SYBU: variants seen among roughly 807,000 people sequenced by gnomAD.
SYBU encodes the protein GOLSYN A protein.
SYBU carries 21 observed loss-of-function variants against 35.9 expected under a neutral mutation model. That is an observed-to-expected ratio of 0.58 (90% confidence interval 0.41 to 0.84). SYBU has a LOEUF of 0.84. Among genes scored for constraint, SYBU ranks in the 40% least tolerant of loss-of-function variants. The probability of loss-of-function intolerance (pLI) is 0.00; values close to 1 mark genes in which losing one functional copy is unlikely to be tolerated. For synonymous variants in SYBU, 319 were observed against 324.3 expected (o/e 0.98, Z 0.18); for missense variants, 768 against 848.2 (o/e 0.91, Z 1.17).
In SYBU at chr8:109,670,909, G is replaced by A. The variant is rs555654938; in HGVS notation, c.-129+9802C>T. The stretch of plus-strand genomic sequence containing the variant: ...GTAGAAATAGAGTTAGAATGGAAGA[G>A]AGAGAGAGACTTTGCTTTATGTGGA... On this transcript the variant is annotated intron_variant, in intron 1 of 5. Coordinates refer to the SYBU transcript ENST00000408889. Among the ~76,000 whole-genome samples the A allele has an allele frequency of 6.9e-4, 105 of 152,284 alleles. 1 individual carries two copies. In the South Asian group the frequency reaches 8.1e-3, roughly 12 times the overall value.
At chr8:109,591,259 A>G (rs1824211163) in intron 3 of SYBU, among the ~76,000 whole-genome samples, 1 of 152,162 alleles carries the variant, frequency 6.6e-6, no homozygotes, top group Non-Finnish European at 1.5e-5. Context: ...TTTGTGAATA[A>G]ATCTTTAGAT....
chr8:109,638,152 G>T (rs758336823), intron 2 of SYBU, among the ~76,000 whole-genome samples: 1 of 152,118 alleles, frequency 6.6e-6, no homozygotes, highest in African/African-American at 2.4e-5. Flanking sequence ...TTTACAAGGC[G>T]CCCCAAGGAG....
rs1203920807 is a variant in SYBU at position 109,643,274 on chromosome 8, C to T, written c.25-342G>A. On this transcript the variant is annotated intron_variant, in intron 1 of 6. Coordinates refer to ENST00000276646, the MANE Select transcript of SYBU (RefSeq NM_001099754.2). ...ACTTCTATCACATTCAAGCTTCTGC[C>T]TCCCAAAGGCTCTTTATTAACACCA... 4 of 733,208 alleles carry T rather than the reference C, an allele frequency of 5.5e-6. No homozygotes were observed. In the African/African-American group the frequency reaches 5.7e-5, roughly 10 times the overall value. 45.4% of individuals were successfully genotyped at this position (733,208 alleles called of 1,614,324 possible). A position where few individuals can be genotyped will look rare whatever the true frequency, so the allele number is the denominator to read the frequency against.
chr8:109,635,450 C>T (rs2130569582), intron 2 of SYBU, among the ~76,000 whole-genome samples: 1 of 152,238 alleles, frequency 6.6e-6, no homozygotes, highest in Admixed American at 6.5e-5. Flanking sequence ...TTTTCTTCCC[C>T]ATGCACTCCC....
At chr8:109,648,820 GGAGCAGCT>G (rs1023833032), upstream of SYBU, 6 of 151,882 alleles carry the variant, frequency 4.0e-5, no homozygotes, top group Non-Finnish European at 7.4e-5. Context: ...ACAGCAACAA[GGAGCAGCT>G]GACGTGCTTC....
chr8:109,640,797 T>C (rs1442837859), intron 2 of SYBU, among the ~76,000 whole-genome samples: 2 of 143,104 alleles, frequency 1.4e-5, no homozygotes, highest in African/African-American at 2.7e-5. Context: ...GATTAGCAAA[T>C]TGTTAGCAAA....
intron 3 of SYBU, among the ~76,000 whole-genome samples, chr8:109,591,493 T>TA (rs71564046): frequency 8.1e-5 from 12 of 149,018 alleles, no homozygotes; most frequent in Middle Eastern, 3.4e-3. Context: ...TTTTTCCTTT[T>TA]AAAAAAATGT....
At chr8:109,610,550 C>T (rs1336816518) in intron 3 of SYBU, among the ~76,000 whole-genome samples, 1 of 152,208 alleles carries the variant, frequency 6.6e-6, no homozygotes, top group Non-Finnish European at 1.5e-5. Context: ...GCTGCTGAAG[C>T]ATTACTCCAC....
intron 2 of SYBU, among the ~76,000 whole-genome samples, chr8:109,628,667 AT>A (rs942811792): frequency 4.7e-4 from 69 of 148,366 alleles, no homozygotes; most frequent in Admixed American, 6.0e-4. Context: ...CTACAAAAAG[AT>A]TTTTTTTTTT....
intron 3 of SYBU, among the ~76,000 whole-genome samples, chr8:109,601,493 T>C (rs1368222256): frequency 6.6e-6 from 1 of 152,134 alleles, no homozygotes; most frequent in Admixed American, 6.5e-5. Context: ...GGAGTTAGAC[T>C]ATACAGACAA....
chr8:109,602,198 A>C (rs529949598), intron 3 of SYBU, among the ~76,000 whole-genome samples: 1 of 152,338 alleles, frequency 6.6e-6, no homozygotes, highest in Non-Finnish European at 1.5e-5. Context: ...TTAAACATTA[A>C]AAAACACCTT....
rs530930782 is a variant in SYBU at position 109,663,354 on chromosome 8, C to T, written c.-129+17357G>A. On this transcript the variant is annotated intron_variant, in intron 1 of 5. Coordinates refer to the SYBU transcript ENST00000408889. ...GCAGTAGGACTGATTTTGATCAGGA[C>T]AATAAAAGATACAATGGGTCAATAC... is the stretch of plus-strand genomic sequence containing the variant. Among the ~76,000 whole-genome samples, 7 of 152,064 alleles carry T rather than the reference C, an allele frequency of 4.6e-5. No individual in the cohort carries two copies. The East Asian group carries it at 1.4e-3, about 29-fold the overall frequency.
chr8:109,626,315 A>T (rs937854475), intron 2 of SYBU, among the ~76,000 whole-genome samples: 13 of 152,354 alleles, frequency 8.5e-5, no homozygotes, highest in African/African-American at 3.1e-4. Context: ...TCAAAGATCA[A>T]CTAAATATTT....
intron 1 of SYBU, among the ~76,000 whole-genome samples, chr8:109,658,611 C>T (rs1816444094): frequency 1.3e-5 from 2 of 152,134 alleles, no homozygotes; most frequent in Admixed American, 1.3e-4. Flanking sequence ...ATCCATTAAG[C>T]CAATATGCTT....
At chr8:109,586,411 T>C (rs1434260211) in intron 3 of SYBU, 1 of 479,996 alleles carries the variant, frequency 2.1e-6, no homozygotes, top group Non-Finnish European at 3.7e-6. Context: ...CCAGTCTTCC[T>C]GCAGACACTG....
intron 2 of SYBU, among the ~76,000 whole-genome samples, chr8:109,641,448 AT>A (rs1336633135): frequency 6.6e-6 from 1 of 152,204 alleles, no homozygotes; most frequent in Non-Finnish European, 1.5e-5. Context: ...TTATAATCTC[AT>A]TTTATGGATG....
chr8:109,685,638 A>G (rs1043947809), upstream of SYBU, among the ~76,000 whole-genome samples: 1 of 152,244 alleles, frequency 6.6e-6, no homozygotes, highest in Non-Finnish European at 1.5e-5. Flanking sequence ...GGCAAGGGCC[A>G]TATATAAAAA....
intron 3 of SYBU, among the ~76,000 whole-genome samples, chr8:109,617,147 C>T (rs1811898691): frequency 6.6e-6 from 1 of 151,654 alleles, no homozygotes; most frequent in Non-Finnish European, 1.5e-5. Flanking sequence ...AAAAAAAATA[C>T]AATAAAATAA....
At chr8:109,636,909 T>C (rs1217160475) in intron 2 of SYBU, among the ~76,000 whole-genome samples, 1 of 152,210 alleles carries the variant, frequency 6.6e-6, no homozygotes, top group Non-Finnish European at 1.5e-5. Flanking sequence ...CAACTACAAT[T>C]TCCAGGGACT....
Sources: allele counts gnomAD v4.1 joint callset (sites outside exome capture counted in the v4.1 genomes callset), GRCh38; gene constraint gnomAD v4.1.1; transcripts MANE v1.5; gene names NCBI Gene and HGNC (gene_info 2026-07-23, HGNC 2026-07-21).